The following STRN variants were observed in gnomAD, a reference collection of about 807,000 sequenced individuals.
The protein encoded by STRN is striatin.
In STRN, 53 loss-of-function variants were observed where a neutral mutation model predicts 96.3. That is an observed-to-expected ratio of 0.55 (90% confidence interval 0.44 to 0.69). The LOEUF (loss-of-function observed/expected upper bound fraction) is 0.69, where lower values mean the gene tolerates loss of function less well. Ranked by LOEUF, STRN falls within the 30% of genes least tolerant of loss-of-function variation. The probability of loss-of-function intolerance (pLI) is 0.00; values close to 1 mark genes in which losing one functional copy is unlikely to be tolerated. For synonymous variants in STRN, 428 were observed against 355.9 expected, an observed-to-expected ratio of 1.20 and a Z score of -2.28; for missense variants, 987 against 963.9, an observed-to-expected ratio of 1.02 and a Z score of -0.32.
chr2:36,869,305 T>C (rs1430671231), intron 11 of STRN, among the ~76,000 whole-genome samples: 3 of 152,248 alleles, frequency 2.0e-5, no homozygotes, highest in Admixed American at 1.3e-4. Flanking sequence ...AATACTGTTA[T>C]GTATAAAGAC....
intron 14 of STRN, among the ~76,000 whole-genome samples, chr2:36,856,825 G>A (rs940938626): frequency 1.3e-5 from 2 of 152,118 alleles, no homozygotes; most frequent in Admixed American, 6.5e-5. Context: ...TGCTATTCTC[G>A]TGATAGAGTT....
chr2:36,937,093 C>T (rs1162406553), intron 1 of STRN, among the ~76,000 whole-genome samples: 1 of 152,094 alleles, frequency 6.6e-6, no homozygotes, highest in Non-Finnish European at 1.5e-5. Context: ...CTTGTAATCC[C>T]AGCACTTTGG....
At chr2:36,959,962 G>A (rs1664987245) in intron 1 of STRN, among the ~76,000 whole-genome samples, 1 of 152,114 alleles carries the variant, frequency 6.6e-6, no homozygotes, top group African/African-American at 2.4e-5. Context: ...ACACTGAACT[G>A]AAGAGACAAA....
chr2:36,860,421 A>C (rs1433467085), intron 13 of STRN, among the ~76,000 whole-genome samples: 6 of 152,128 alleles, frequency 3.9e-5, no homozygotes, highest in Non-Finnish European at 5.9e-5. Flanking sequence ...TGCTGGGAAA[A>C]ATTTTTGTTT....
In STRN at chr2:36,861,220, A is replaced by T; in HGVS notation, c.1581T>A (p.Asn527Lys). 10 of 1,614,098 alleles carry T rather than the reference A, an allele frequency of 6.2e-6. No homozygotes were observed. The highest frequency in any genetic ancestry group is 8.5e-6 in the Non-Finnish European group (10 of 1,179,992). Residue 527 changes from asparagine to lysine, a missense_variant, in exon 13 of 18, where the codon AAT (asparagine) becomes AAA (lysine). Coordinates refer to ENST00000263918, the MANE Select transcript of STRN (RefSeq NM_003162.4). ...GPVLCVVMSS[N>K]GEQCYSGGTD... is the part of the protein sequence containing the mutation. ...TACCACCACTGTAACACTGCTCACC[A>T]TTGCTGCTCATTACCACACAAAGCA...
intron 1 of STRN, among the ~76,000 whole-genome samples, chr2:36,951,975 C>A (rs1664764196): frequency 6.6e-6 from 1 of 152,200 alleles, no homozygotes; most frequent in South Asian, 2.1e-4. Flanking sequence ...TGCGAAGGAT[C>A]TAGGTTGTGC....
rs986632780 is a variant in STRN, at chr2:36,845,750, C to A, written c.*3706G>T. On this transcript the variant is annotated 3_prime_UTR_variant, in exon 18 of 18. Coordinates refer to ENST00000263918, the MANE Select transcript of STRN (RefSeq NM_003162.4). The stretch of plus-strand genomic sequence containing the variant: ...ACTGAAATTTCTAGGAATTCACATT[C>A]AAAATTCTTGGAAAGTATATATGGT... The A allele has an allele frequency of 1.1e-4, 17 of 151,960 alleles. No homozygotes were observed. Among genetic ancestry groups the A allele is most frequent in the African/African-American group, 3.9e-4 (16 of 41,348 alleles). The allele number at this position is 151,960 out of a possible 1,614,324, so 9.4% of individuals were successfully genotyped here.
At position 36,930,529 on chromosome 2, in the gene STRN, C is replaced by T. The variant is rs7608869; in HGVS notation, c.235-5321G>A. On this transcript the variant is annotated intron_variant, in intron 1 of 17. Coordinates refer to ENST00000263918, the MANE Select transcript of STRN (RefSeq NM_003162.4). ...TTAAAACACAATTTTTTAGGTTCTA[C>T]CCTCAGAGTTGCTCATTCAGTAGGT... 1.9e-4 allele frequency among the ~76,000 whole-genome samples: 29 copies of T among 151,958 alleles called. No individual in the cohort carries two copies. The East Asian group carries it at 5.2e-3, about 27-fold the overall frequency.
intron 1 of STRN, among the ~76,000 whole-genome samples, chr2:36,940,364 G>A (rs1028626274): frequency 5.3e-5 from 8 of 152,158 alleles, no homozygotes; most frequent in Non-Finnish European, 1.2e-4. Flanking sequence ...AAAGAACCAT[G>A]AGAATATATA....
At chr2:36,851,215 T>G in intron 15 of STRN, 108 bp from the exon 16 acceptor site, 1 of 912,680 alleles carries the variant, frequency 1.1e-6, no homozygotes, top group Non-Finnish European at 1.6e-6. Context: ...CCGGCCGCGG[T>G]GGCTCACGCC....
chr2:36,941,208 G>A (rs1229650816), intron 1 of STRN, among the ~76,000 whole-genome samples: 4 of 152,158 alleles, frequency 2.6e-5, no homozygotes, highest in Non-Finnish European at 5.9e-5. Context: ...ACAGGCAGAT[G>A]AATTACAGAT....
chr2:36,885,608 A>T (rs577276001), intron 8 of STRN, among the ~76,000 whole-genome samples: 21 of 152,276 alleles, frequency 1.4e-4, no homozygotes, highest in Admixed American at 1.2e-3. Context: ...AATAACAGAC[A>T]CTGACTTTTT....
At chr2:36,883,063 C>T (rs1233070843) in intron 9 of STRN, among the ~76,000 whole-genome samples, 1 of 152,248 alleles carries the variant, frequency 6.6e-6, no homozygotes, top group Non-Finnish European at 1.5e-5. Flanking sequence ...TTATGAAAAT[C>T]ATTTGTATGA....
At position 36,884,039 on chromosome 2, in the gene STRN, T is replaced by C; in HGVS notation, c.1079A>G (p.Asn360Ser). The C allele has an allele frequency of 7.0e-7, 1 of 1,420,952 alleles. No individual in the cohort carries two copies. The highest frequency in any genetic ancestry group is 9.3e-7 in the Non-Finnish European group (1 of 1,079,842). The allele number at this position is 1,420,952 out of a possible 1,614,324, so 88.0% of individuals were successfully genotyped here. Residue 360 changes from asparagine (N) to serine (S), a missense_variant, in exon 9 of 18, where the codon AAT becomes AGT. By Grantham distance (46) the Asn-to-Ser change is conservative. Coordinates refer to ENST00000263918, the MANE Select transcript of STRN (RefSeq NM_003162.4). The stretch of plus-strand genomic sequence containing the variant: ...AGGAAGTTCATCAACATCTCTCAAA[T>C]TAGCAAGCATATCTTGTAGTTTTGA... ...NRSKLQDMLA[N>S]LRDVDELPSL...
At chr2:36,906,884 A>C (rs1331403338) in intron 3 of STRN, among the ~76,000 whole-genome samples, 1 of 151,862 alleles carries the variant, frequency 6.6e-6, no homozygotes, top group Non-Finnish European at 1.5e-5. Flanking sequence ...TGATTGCGCC[A>C]TTGCACTCCA....
chr2:36,947,924 A>C (rs1664636628), intron 1 of STRN, among the ~76,000 whole-genome samples: 1 of 151,808 alleles, frequency 6.6e-6, no homozygotes, highest in Non-Finnish European at 1.5e-5. Flanking sequence ...TGGGACACTA[A>C]GGGTATGCAG....
At chr2:36,903,545 A>T (rs772380524) in intron 4 of STRN, among the ~76,000 whole-genome samples, 1 of 152,226 alleles carries the variant, frequency 6.6e-6, no homozygotes, top group Non-Finnish European at 1.5e-5. Context: ...GAAAAAGGTA[A>T]ATGCCATTAA....
At chr2:36,930,008 T>C (rs1670529471) in intron 1 of STRN, among the ~76,000 whole-genome samples, 1 of 152,246 alleles carries the variant, frequency 6.6e-6, no homozygotes, top group South Asian at 2.1e-4. Context: ...AATCGCTTTA[T>C]GTCTTAATGC....
intron 9 of STRN, among the ~76,000 whole-genome samples, chr2:36,881,448 T>C (rs1295747593): frequency 6.6e-6 from 1 of 152,104 alleles, no homozygotes; most frequent in Non-Finnish European, 1.5e-5. Flanking sequence ...TTCTGAATTA[T>C]TAAAATAAAA....
Sources: allele counts gnomAD v4.1 joint callset (sites outside exome capture counted in the v4.1 genomes callset), GRCh38; gene constraint gnomAD v4.1.1; transcripts MANE v1.5; gene names NCBI Gene and HGNC (gene_info 2026-07-23, HGNC 2026-07-21).